Variants in ARHGEF3 observed in about 807,000 individuals in gnomAD.
ARHGEF3 encodes the protein Rho guanine nucleotide exchange factor 3.
ARHGEF3 carries 28 observed loss-of-function variants against 63.2 expected under a neutral mutation model. That is an observed-to-expected ratio of 0.44 (90% CI 0.33 to 0.61). The LOEUF is 0.61. ARHGEF3 is among the 20% of genes least tolerant of loss of function. The pLI is 0.03. For missense variants in ARHGEF3, 533 were observed against 659.3 expected (o/e 0.81, Z 2.10); for synonymous variants, 266 against 254.2 (o/e 1.05, Z -0.44).
intron 2 of ARHGEF3, among the ~76,000 whole-genome samples, chr3:57,017,693 G>C (rs1397105996): frequency 6.6e-6 from 1 of 152,292 alleles, no homozygotes; most frequent in South Asian, 2.1e-4. Context: ...CCTTTCCCAC[G>C]ATGTCGTCAC....
chr3:56,978,094 G>A (rs543583405), intron 2 of ARHGEF3, among the ~76,000 whole-genome samples: 13 of 152,268 alleles, frequency 8.5e-5, no homozygotes, highest in East Asian at 7.7e-4. Context: ...CCCCAGGTGC[G>A]GTCACCCCCG....
At chr3:56,784,135 A>C (rs772269519) in intron 1 of ARHGEF3, among the ~76,000 whole-genome samples, 2 of 152,192 alleles carry the variant, frequency 1.3e-5, no homozygotes, top group Non-Finnish European at 2.9e-5. Flanking sequence ...CTGGCTCCAC[A>C]TCTGCCTTCT....
At chr3:56,793,252 C>T (rs1236346180) in intron 1 of ARHGEF3, among the ~76,000 whole-genome samples, 1 of 151,640 alleles carries the variant, frequency 6.6e-6, no homozygotes, top group Non-Finnish European at 1.5e-5. Context: ...TCACTGCAAG[C>T]TCCGCCTCCC....
At chr3:57,036,400 A>T (rs1023628720) in intron 1 of ARHGEF3, among the ~76,000 whole-genome samples, 1 of 152,092 alleles carries the variant, frequency 6.6e-6, no homozygotes, top group African/African-American at 2.4e-5. Context: ...AAAGAGAAAG[A>T]CAAGGGAGAG....
intron 1 of ARHGEF3, among the ~76,000 whole-genome samples, chr3:57,057,763 G>A (rs977746722): frequency 3.9e-5 from 6 of 152,112 alleles, no homozygotes; most frequent in Admixed American, 6.6e-5. Flanking sequence ...CCAGTGAAGC[G>A]AACTCCAGCC....
intron 3 of ARHGEF3, among the ~76,000 whole-genome samples, chr3:56,955,868 T>C (rs1229174774): frequency 2.0e-5 from 3 of 152,222 alleles, no homozygotes; most frequent in Non-Finnish European, 4.4e-5. Flanking sequence ...TTGGGTTCCC[T>C]TCCCCAATCC....
chr3:56,988,363 G>A (rs756699089), intron 2 of ARHGEF3, among the ~76,000 whole-genome samples: 9 of 152,168 alleles, frequency 5.9e-5, no homozygotes, highest in Admixed American at 2.0e-4. Flanking sequence ...TGGTCAGGCT[G>A]GTCTTGAACT....
intron 2 of ARHGEF3, among the ~76,000 whole-genome samples, chr3:56,963,942 G>C (rs1387901248): frequency 1.3e-5 from 2 of 151,102 alleles, no homozygotes; most frequent in East Asian, 3.9e-4. Flanking sequence ...TCTCTCTCTT[G>C]AACAAAGGGA....
At chr3:56,913,397 C>T (rs889611549) in intron 3 of ARHGEF3, among the ~76,000 whole-genome samples, 11 of 152,078 alleles carry the variant, frequency 7.2e-5, no homozygotes, top group Non-Finnish European at 1.3e-4. Context: ...ATAATGCACA[C>T]GAAGAGATGC....
At chr3:56,821,152 CTG>C in intron 4 of ARHGEF3, among the ~76,000 whole-genome samples, 1 of 151,620 alleles carries the variant, frequency 6.6e-6, no homozygotes, top group African/African-American at 2.4e-5. Context: ...GTGAGAGACC[CTG>C]TCTCAAAAAA....
At chr3:56,759,983 A>G (rs1411359267) in intron 2 of ARHGEF3, among the ~76,000 whole-genome samples, 2 of 152,254 alleles carry the variant, frequency 1.3e-5, no homozygotes, top group Non-Finnish European at 2.9e-5. Flanking sequence ...CTGCAGAATT[A>G]GTATCCCTCC....
At chr3:56,927,494 T>C (rs1416551315) in intron 3 of ARHGEF3, among the ~76,000 whole-genome samples, 1 of 152,098 alleles carries the variant, frequency 6.6e-6, no homozygotes, top group Admixed American at 6.6e-5. Flanking sequence ...ATTTTAAATA[T>C]ACGATATGTA....
At chr3:57,050,477 G>A (rs2107300526) in intron 1 of ARHGEF3, among the ~76,000 whole-genome samples, 1 of 152,282 alleles carries the variant, frequency 6.6e-6, no homozygotes, top group African/African-American at 2.4e-5. Context: ...GGGGTAGTGG[G>A]GAGAAAGATA....
chr3:56,776,623 G>A (rs2036297383), intron 1 of ARHGEF3, among the ~76,000 whole-genome samples: 1 of 152,154 alleles, frequency 6.6e-6, no homozygotes, highest in Non-Finnish European at 1.5e-5. Flanking sequence ...TACTCAATAT[G>A]TCTCCAGCTA....
chr3:56,799,621 G>A (rs945494197), intron 1 of ARHGEF3, among the ~76,000 whole-genome samples: 5 of 152,156 alleles, frequency 3.3e-5, no homozygotes, highest in Non-Finnish European at 5.9e-5. Flanking sequence ...GAATACTGAC[G>A]ACACCTACTG....
At chr3:56,845,533 T>C (rs1165428763) in intron 4 of ARHGEF3, among the ~76,000 whole-genome samples, 2 of 152,190 alleles carry the variant, frequency 1.3e-5, no homozygotes, top group Non-Finnish European at 2.9e-5. Flanking sequence ...ACCAGTGCTA[T>C]ATTTTGTGTT....
In ARHGEF3 at chr3:56,842,235, C is replaced by T. The variant is rs575818251; in HGVS notation, c.192+40057G>A. Among the ~76,000 whole-genome samples, 5 of 152,260 alleles carry T rather than the reference C, an allele frequency of 3.3e-5. No homozygotes were observed. In the East Asian group the frequency reaches 9.7e-4, roughly 29 times the overall value. ...CAGTCAAATGTGGGATTGTAAGATG[C>T]ATGTGTATAAATACATTTTTATTTT... On this transcript the variant is annotated intron_variant, in intron 4 of 12. Transcript: ENST00000338458.
At chr3:57,064,064 C>A (rs576397360) in intron 1 of ARHGEF3, among the ~76,000 whole-genome samples, 8 of 152,198 alleles carry the variant, frequency 5.3e-5, no homozygotes, top group African/African-American at 1.9e-4. Flanking sequence ...CTCAGGGGCT[C>A]GAGACCAGCC....
At chr3:56,800,442 T>C (rs1262586973) in intron 1 of ARHGEF3, among the ~76,000 whole-genome samples, 8 of 152,216 alleles carry the variant, frequency 5.3e-5, no homozygotes, top group Non-Finnish European at 1.2e-4. Flanking sequence ...AATATTCGAC[T>C]GAGCTGGAGT....
Sources: allele counts gnomAD v4.1 joint callset (sites outside exome capture counted in the v4.1 genomes callset), GRCh38; gene constraint gnomAD v4.1.1; transcripts MANE v1.5; gene names NCBI Gene and HGNC (gene_info 2026-07-23, HGNC 2026-07-21).